The following ABHD2 variants were observed in gnomAD, a reference collection of about 807,000 sequenced individuals.
ABHD2 encodes monoacylglycerol lipase ABHD2.
ABHD2 carries 20 observed loss-of-function variants against 48.1 expected under a neutral mutation model. The observed-to-expected ratio is 0.42, with a 90% confidence interval of 0.29 to 0.60. The LOEUF (loss-of-function observed/expected upper bound fraction) is 0.60. Ranked by LOEUF, ABHD2 falls within the 20% of genes least tolerant of loss-of-function variation. The probability of loss-of-function intolerance (pLI) is 0.24; values close to 1 mark genes in which losing one functional copy is unlikely to be tolerated. For missense variants in ABHD2, 405 were observed against 550.9 expected, an observed-to-expected ratio of 0.74 and a Z score of 2.65; for synonymous variants, 209 against 214.2, an observed-to-expected ratio of 0.98 and a Z score of 0.21.
At chr15:89,089,967 T>G (rs1901528420) in intron 1 of ABHD2, among the ~76,000 whole-genome samples, 1 of 152,174 alleles carries the variant, frequency 6.6e-6, no homozygotes, top group South Asian at 2.1e-4. Flanking sequence ...GGACTCTCAT[T>G]CAGTCTCCTC....
intron 1 of ABHD2, among the ~76,000 whole-genome samples, chr15:89,101,569 C>T (rs928906165): frequency 6.6e-6 from 1 of 152,184 alleles, no homozygotes; most frequent in African/African-American, 2.4e-5. Flanking sequence ...GCACTCAACA[C>T]CCTAAATTTA....
At chr15:89,061,856 G>A in the ABHD2 span, among the ~76,000 whole-genome samples, 1 of 152,130 alleles carries the variant, frequency 6.6e-6, no homozygotes, top group Non-Finnish European at 1.5e-5. Flanking sequence ...TTACAGATGT[G>A]AGCTACGGTG....
intron 3 of ABHD2, chr15:89,136,225 A>G (rs2050309934): frequency 3.2e-6 from 1 of 314,734 alleles, no homozygotes; most frequent in African/African-American, 2.2e-5. Flanking sequence ...CACCACACCC[A>G]GCCTGAACGT....
rs775878003 is a variant in ABHD2 at position 89,164,249 on chromosome 15, G to A, written c.538+8715G>A. On this transcript the variant is annotated intron_variant, in intron 5 of 10. Transcript: ENST00000352732. This position sits in a 1 kb window ranked among gnomAD's most constrained non-coding sequence, Gnocchi z 5.0. ...GGAAGGAGGGTGCACAGTCACAGTCGGTCTAAGCTTATTGGCTAGGTTTGT... is the reference window on the plus strand; with the variant it reads ...GGAAGGAGGGTGCACAGTCACAGTCAGTCTAAGCTTATTGGCTAGGTTTGT... Among the ~76,000 whole-genome samples the A allele has an allele frequency of 2.3e-4, 35 of 152,220 alleles. No individual in the cohort carries two copies. Among genetic ancestry groups the A allele is most frequent in the Non-Finnish European group, 4.1e-4 (28 of 68,014 alleles).
Position 89,088,897 on chromosome 15 carries a change from G to T in ABHD2, c.-107+334G>T, listed in dbSNP as rs1901475477. On this transcript the variant is annotated intron_variant, in intron 1 of 10. Coordinates refer to ENST00000352732, the MANE Select transcript of ABHD2 (RefSeq NM_152924.5). This position sits in a 1 kb window ranked among gnomAD's most constrained non-coding sequence, Gnocchi z 6.8. ...TCAGGGGCCTGGGGAGGGGTCTGCC[G>T]GTTCAGGCTCGGCGAAGAAGGTCCG... 6.6e-6 allele frequency among the ~76,000 whole-genome samples: 1 copy of T among 152,206 alleles called. No individual in the cohort carries two copies. Among genetic ancestry groups the T allele is most frequent in the African/African-American group, 2.4e-5 (1 of 41,466 alleles).
At chr15:89,055,323 CTTT>C in the ABHD2 span, among the ~76,000 whole-genome samples, 52 of 124,774 alleles carry the variant, frequency 4.2e-4, no homozygotes, top group East Asian at 9.1e-4. Context: ...ACACTAGTTT[CTTT>C]TTTTTTTTTT....
intron 3 of ABHD2, among the ~76,000 whole-genome samples, chr15:89,147,306 A>T (rs995773983): frequency 6.6e-6 from 1 of 152,038 alleles, no homozygotes; most frequent in Non-Finnish European, 1.5e-5. Flanking sequence ...AAGTAATAGA[A>T]GGAAACATTG....
chr15:89,080,810 T>G, the ABHD2 span, among the ~76,000 whole-genome samples: 228 of 151,638 alleles, frequency 1.5e-3, 2 homozygotes, highest in African/African-American at 5.3e-3. Flanking sequence ...TTCTCCTGCC[T>G]CAGCCTCCCA....
chr15:89,057,184 G>A, the ABHD2 span, among the ~76,000 whole-genome samples: 1,919 of 152,238 alleles, frequency 0.013, 43 homozygotes, highest in African/African-American at 0.044. Context: ...AAAGTGCTGG[G>A]ATTACAAGCA....
the ABHD2 span, among the ~76,000 whole-genome samples, chr15:89,051,582 A>G: frequency 6.6e-6 from 1 of 152,118 alleles, no homozygotes; most frequent in South Asian, 2.1e-4. Flanking sequence ...CAATTCCCAC[A>G]TGTCATGGGA....
At chr15:89,121,341 C>T (rs1324304542) in intron 3 of ABHD2, among the ~76,000 whole-genome samples, 1 of 152,092 alleles carries the variant, frequency 6.6e-6, no homozygotes, top group African/African-American at 2.4e-5. Context: ...AGGGGAAGGA[C>T]CCTGGGAGAG....
At chr15:89,181,577 C>A (rs1015815146) in intron 6 of ABHD2, among the ~76,000 whole-genome samples, 6 of 152,162 alleles carry the variant, frequency 3.9e-5, no homozygotes, top group Admixed American at 3.9e-4. Flanking sequence ...ACCTCATTCT[C>A]ATTCTCCATA....
rs1051653583 is a variant in ABHD2 at position 89,188,415 on chromosome 15, G to C, written c.926+112G>C. 3.4e-6 allele frequency: 3 copies of C among 870,916 alleles called. No individual in the cohort carries two copies. The African/African-American group carries it at 5.0e-5, about 15-fold the overall frequency. 53.9% of individuals were successfully genotyped at this position (870,916 alleles called of 1,614,324 possible). ...TGCTCTGCCTACTTGAGTGTTAAGG[G>C]TGTTTTTTTCCCTTTAAGTAAGTGT... On this transcript the variant is annotated intron_variant, in intron 8 of 10. Transcript: ENST00000352732. This position sits in a 1 kb window ranked among gnomAD's most constrained non-coding sequence, Gnocchi z 4.1.
chr15:89,078,171 T>C, the ABHD2 span, among the ~76,000 whole-genome samples: 1 of 152,244 alleles, frequency 6.6e-6, no homozygotes, highest in Non-Finnish European at 1.5e-5. Context: ...TCTTTTCTTT[T>C]TACTTCCACT....
At chr15:89,049,051 A>G in the ABHD2 span, among the ~76,000 whole-genome samples, 1 of 152,168 alleles carries the variant, frequency 6.6e-6, no homozygotes, top group African/African-American at 2.4e-5. Context: ...GGTGATGTAC[A>G]GATGGGTTTT....
chr15:89,077,003 T>C, the ABHD2 span, among the ~76,000 whole-genome samples: 1 of 152,188 alleles, frequency 6.6e-6, no homozygotes, highest in Non-Finnish European at 1.5e-5. Flanking sequence ...TGTTTTTTAG[T>C]ACTTTTTGTT....
chr15:89,190,273 T>A (rs1418407558), intron 8 of ABHD2, among the ~76,000 whole-genome samples: 1 of 152,214 alleles, frequency 6.6e-6, no homozygotes, highest in East Asian at 1.9e-4. Context: ...GAGCTCCAGA[T>A]TGAACCTTGA....
chr15:89,180,222 G>C (rs746462669), intron 6 of ABHD2, among the ~76,000 whole-genome samples: 1 of 152,174 alleles, frequency 6.6e-6, no homozygotes, highest in Non-Finnish European at 1.5e-5. Context: ...TTGTGAAGTT[G>C]ACCTGACCAC....
the ABHD2 span, among the ~76,000 whole-genome samples, chr15:89,077,696 G>C: frequency 6.6e-6 from 1 of 152,066 alleles, no homozygotes; most frequent in Non-Finnish European, 1.5e-5. Flanking sequence ...TCTTAGTAAG[G>C]GTTTTATAAA....
Sources: gnomAD v4.1 joint callset for allele counts (sites outside exome capture counted in the v4.1 genomes callset) on GRCh38, gnomAD v4.1.1 for gene constraint, Gnocchi (gnomAD v3.1) non-coding constraint, MANE v1.5 for transcripts, NCBI Gene and HGNC (gene_info 2026-07-23, HGNC 2026-07-21) for gene names.